FAM227A: variants seen among roughly 807,000 people sequenced by gnomAD.
FAM227A encodes the protein protein FAM227A.
Under a neutral mutation model 74.7 loss-of-function variants are expected in FAM227A, and 80 were observed. The observed-to-expected ratio is 1.07, with a 90% CI of 0.89 to 1.29. The LOEUF (loss-of-function observed/expected upper bound fraction) is 1.29. Ranked by LOEUF, FAM227A falls within the 50% of genes most tolerant of loss-of-function variation. The pLI is 0.00. For synonymous variants in FAM227A, 237 were observed against 241.8 expected, an observed-to-expected ratio of 0.98 and a Z score of 0.19; for missense variants, 654 against 683.4, an observed-to-expected ratio of 0.96 and a Z score of 0.48.
chr22:38,607,443 A>G lies in FAM227A; in HGVS notation c.1072T>C (p.Ser358Pro). Reference sequence around the variant, plus strand: ...TTTTCTGAGTTCTGCTTGGCCGAAGAGGTTTTTTCACTGGGTGAATTTGCA... The same window carrying G: ...TTTTCTGAGTTCTGCTTGGCCGAAGGGGTTTTTTCACTGGGTGAATTTGCA... ...SSANSPSEKTSSAKQNSEKSL... is the reference protein window; with the variant it reads ...SSANSPSEKTPSAKQNSEKSL... Residue 358 changes from serine (S) to proline (P), a missense_variant, in exon 12 of 17, where the codon TCT (serine) becomes CCT (proline). Ser to Pro is a moderately conservative substitution (Grantham distance 74). Coordinates refer to ENST00000535113, the MANE Select transcript of FAM227A (RefSeq NM_001013647.2). The G allele has an allele frequency of 6.4e-7, 1 of 1,551,512 alleles. No individual in the cohort carries two copies. The highest frequency in any genetic ancestry group is 1.2e-5 in the South Asian group (1 of 84,064).
chr22:38,647,772 C>G (rs1413269500), intron 2 of FAM227A, among the ~76,000 whole-genome samples: 3 of 152,186 alleles, frequency 2.0e-5, no homozygotes, highest in Non-Finnish European at 4.4e-5. Context: ...CTCTTACTTT[C>G]ATTACCCTCA....
At chr22:38,589,216 G>A (rs541364158) in intron 16 of FAM227A, among the ~76,000 whole-genome samples, 72 of 152,198 alleles carry the variant, frequency 4.7e-4, no homozygotes, top group African/African-American at 1.7e-3. Flanking sequence ...GGACAGCCAC[G>A]GACTGCTGGC....
intron 15 of FAM227A, 151 bp downstream of exon 15, chr22:38,597,053 G>A (rs886291821): frequency 3.0e-6 from 2 of 663,462 alleles, no homozygotes; most frequent in Non-Finnish European, 5.1e-6. Context: ...CTGTTATTAG[G>A]AGTTTATAAT....
rs1569216864 is a variant in FAM227A at position 38,623,281 on chromosome 22, T to A, written c.851-2A>T. ...AGCTCTGTGGGCTAGGATAGGTGCC[T>A]AAGGGAGGAGTCAAGAGTGAGAATG... On this transcript the variant is annotated splice_acceptor_variant, in intron 9 of 16. Coordinates refer to ENST00000535113, the MANE Select transcript of FAM227A (RefSeq NM_001013647.2). LOFTEE classifies it high-confidence loss of function. The A allele has an allele frequency of 6.5e-7, 1 of 1,547,770 alleles. No individual in the cohort carries two copies.
chr22:38,644,332 G>A (rs2145704772), intron 3 of FAM227A, among the ~76,000 whole-genome samples: 1 of 150,968 alleles, frequency 6.6e-6, no homozygotes, highest in South Asian at 2.1e-4. Flanking sequence ...GTGAACAGGT[G>A]GAGCACAGAG....
chr22:38,646,544 G>A (rs565060738), intron 2 of FAM227A, among the ~76,000 whole-genome samples: 2 of 151,940 alleles, frequency 1.3e-5, no homozygotes, highest in South Asian at 4.1e-4. Flanking sequence ...TTACAGGCGT[G>A]AGCCACCGCG....
intron 15 of FAM227A, among the ~76,000 whole-genome samples, chr22:38,592,565 G>C (rs564545582): frequency 6.6e-6 from 1 of 152,152 alleles, no homozygotes; most frequent in Non-Finnish European, 1.5e-5. Flanking sequence ...AAATGTGGAC[G>C]TGGTGGCTGG....
chr22:38,607,227 C>T (rs916370810), intron 12 of FAM227A, among the ~76,000 whole-genome samples, 162 bp downstream of exon 12: 1 of 147,588 alleles, frequency 6.8e-6, no homozygotes, highest in Non-Finnish European at 1.5e-5. Flanking sequence ...GAAAAGACAA[C>T]TACATCCTTT....
intron 6 of FAM227A, among the ~76,000 whole-genome samples, chr22:38,635,508 A>G (rs1255427890): frequency 3.9e-5 from 6 of 152,068 alleles, no homozygotes; most frequent in Admixed American, 1.3e-4. Context: ...AGACCTCCCT[A>G]CAAGGATCTC....
chr22:38,629,607 A>G lies in FAM227A; in HGVS notation c.520-672T>C, dbSNP rs113984893. Among the ~76,000 whole-genome samples, 736 of 152,396 alleles carry G rather than the reference A, an allele frequency of 4.8e-3. 8 individuals carry two copies. Among genetic ancestry groups the G allele is most frequent in the African/African-American group, 0.017 (703 of 41,602 alleles). On this transcript the variant is annotated intron_variant, in intron 6 of 16. Transcript: ENST00000535113. ...GGTCAGCATTCTTGCCTGAGCTTAC[A>G]TGGGCCAGGAGGTTCCAAAGCGAGT...
chr22:38,641,109 T>G (rs2092105188), intron 3 of FAM227A, among the ~76,000 whole-genome samples: 1 of 137,224 alleles, frequency 7.3e-6, no homozygotes, highest in Admixed American at 7.0e-5. Flanking sequence ...ATGGATAAGA[T>G]TTGCACAGAA....
At chr22:38,635,050 G>A (rs899579387) in intron 6 of FAM227A, among the ~76,000 whole-genome samples, 1 of 151,926 alleles carries the variant, frequency 6.6e-6, no homozygotes, top group African/African-American at 2.4e-5. Flanking sequence ...ATCGAGAACA[G>A]CCTGGCCAAC....
chr22:38,620,839 G>C (rs1206566436), intron 10 of FAM227A, among the ~76,000 whole-genome samples: 5 of 151,810 alleles, frequency 3.3e-5, no homozygotes, highest in Non-Finnish European at 7.4e-5. Context: ...AGTATGCACA[G>C]CTCTGTGCAT....
At chr22:38,626,913 T>TATATAAATATATATATATAC (rs34078214) in intron 8 of FAM227A, among the ~76,000 whole-genome samples, 1 of 89,828 alleles carries the variant, frequency 1.1e-5, no homozygotes, top group Non-Finnish European at 2.1e-5. Context: ...TATATATATA[T>TATATAAATATATATATATAC]ACACGTATAT....
rs2091134128 is a variant in FAM227A, at chr22:38,599,869, T to A, written c.1274A>T (p.Tyr425Phe). The change falls in exon 14 of 17, where the codon TAT (tyrosine) becomes TTT (phenylalanine). Residue 425 changes from tyrosine (Y) to phenylalanine (F), a missense_variant. By Grantham distance (22) the Tyr-to-Phe change is conservative. Coordinates refer to ENST00000535113, the MANE Select transcript of FAM227A (RefSeq NM_001013647.2). Reference sequence around the variant, plus strand: ...GTACACAATCAGAGGGCTCTTCCCATAAATGTTGAAGAGGTTTGAAGTCAG... The same window carrying A: ...GTACACAATCAGAGGGCTCTTCCCAAAAATGTTGAAGAGGTTTGAAGTCAG... ...PELTSNLFNI[Y>F]GKSPLIVYFL... is the part of the protein sequence containing the mutation. The A allele has an allele frequency of 1.3e-6, 2 of 1,551,462 alleles. No individual in the cohort carries two copies. Among genetic ancestry groups the A allele is most frequent in the East Asian group, 2.4e-5 (1 of 40,920 alleles).
chr22:38,651,429 A>G (rs2092320119), intron 1 of FAM227A, among the ~76,000 whole-genome samples: 1 of 152,108 alleles, frequency 6.6e-6, no homozygotes, highest in South Asian at 2.1e-4. Context: ...ACTGGAGTGC[A>G]GTGGCGCGAT....
rs2091224472 is a variant in FAM227A at position 38,603,685 on chromosome 22, G to C, written c.1221+1569C>G. 2.0e-5 allele frequency among the ~76,000 whole-genome samples: 3 copies of C among 152,032 alleles called. No individual in the cohort carries two copies. In the South Asian group the frequency reaches 6.2e-4, roughly 32 times the overall value. On this transcript the variant is annotated intron_variant, in intron 13 of 16. Transcript: ENST00000535113. ...AGTTAGTATGTGCATAGTGTATGCA[G>C]GACAGACAAGGAGCTTAGTGCCAGG...
At chr22:38,641,134 G>C (rs1003537666) in intron 3 of FAM227A, among the ~76,000 whole-genome samples, 3 of 151,184 alleles carry the variant, frequency 2.0e-5, no homozygotes, top group African/African-American at 7.3e-5. Context: ...GGGAGAGAAA[G>C]GATAGTTGAA....
chr22:38,629,080 C>A (rs2145605279), intron 6 of FAM227A, 145 bp from the exon 7 acceptor site: 4 of 590,864 alleles, frequency 6.8e-6, no homozygotes, highest in Non-Finnish European at 1.2e-5. Context: ...TCTCATTTAA[C>A]CCCTATAATA....
Sources: allele counts gnomAD v4.1 joint callset (sites outside exome capture counted in the v4.1 genomes callset), GRCh38; gene constraint gnomAD v4.1.1; transcripts MANE v1.5; gene names NCBI Gene and HGNC (gene_info 2026-07-23, HGNC 2026-07-21).